Variants in PAICS observed in about 807,000 individuals in gnomAD.
PAICS encodes phosphoribosylaminoimidazole carboxylase and phosphoribosylaminoimidazolesuccinocarboxamide synthase.
In PAICS, 33 loss-of-function variants were observed where a neutral mutation model predicts 53.7. The ratio of observed to expected loss-of-function variants is 0.61; its 90% CI spans 0.47 to 0.82. The LOEUF (loss-of-function observed/expected upper bound fraction) is 0.82. PAICS is among the 40% of genes least tolerant of loss of function. The pLI is 0.00. For synonymous variants in PAICS, 141 were observed against 167.2 expected (o/e 0.84, Z 1.21); for missense variants, 394 against 494.1 (o/e 0.80, Z 1.92).
the PAICS span, chr4:56,410,940 T>G: frequency 1.0e-6 from 1 of 972,722 alleles, no homozygotes; most frequent in Non-Finnish European, 1.2e-6. Context: ...AAAAGTACTC[T>G]TGTTTTTCTT....
At chr4:56,421,712 G>C in the PAICS span, 1 of 152,160 alleles carries the variant, frequency 6.6e-6, no homozygotes, top group South Asian at 2.1e-4. Flanking sequence ...GAAAGAAACT[G>C]GTATGCTAGA....
At chr4:56,436,984 G>A (rs1211290055) in intron 1 of PAICS, among the ~76,000 whole-genome samples, 2 of 152,178 alleles carry the variant, frequency 1.3e-5, no homozygotes, top group African/African-American at 2.4e-5. Context: ...GCGACAAAGC[G>A]AGACTCCGTC....
At chr4:56,436,460 A>T (rs1426461651) in intron 1 of PAICS, 132 bp downstream of exon 1, 1 of 802,418 alleles carries the variant, frequency 1.2e-6, no homozygotes, top group Non-Finnish European at 2.2e-6. Flanking sequence ...GCGGGCGCAC[A>T]CGTGGCCCAG....
At chr4:56,420,639 G>A in the PAICS span, 1 of 152,118 alleles carries the variant, frequency 6.6e-6, no homozygotes, top group South Asian at 2.1e-4. Flanking sequence ...TTTTAATAAA[G>A]CAAATATGCA....
chr4:56,453,504 A>T, intron 7 of PAICS, 99 bp from the exon 8 acceptor site: 2 of 647,296 alleles, frequency 3.1e-6, no homozygotes, highest in Non-Finnish European at 2.5e-6. Context: ...GACCTCAAGT[A>T]ATTAAAACAT....
At chr4:56,447,204 A>G (rs1259124443) in intron 3 of PAICS, among the ~76,000 whole-genome samples, 2 of 151,962 alleles carry the variant, frequency 1.3e-5, no homozygotes, top group African/African-American at 4.8e-5. Flanking sequence ...TATACTAACA[A>G]TGTCTCTTGT....
At chr4:56,455,382 T>G (rs1719143306) in intron 8 of PAICS, among the ~76,000 whole-genome samples, 1 of 152,230 alleles carries the variant, frequency 6.6e-6, no homozygotes, top group Non-Finnish European at 1.5e-5. Context: ...TCAAGTATAT[T>G]AAGTCTTTGA....
At chr4:56,435,090 C>T (rs545488407), upstream of PAICS, among the ~76,000 whole-genome samples, 3 of 152,156 alleles carry the variant, frequency 2.0e-5, no homozygotes, top group Non-Finnish European at 4.4e-5. Context: ...GATGGGTGCA[C>T]ACACCGGGGG....
Position 56,459,648 on chromosome 4 carries a change from A to AAT in PAICS, c.*110_*111insAT, listed in dbSNP as rs1263389546. The AAT allele has an allele frequency of 1.3e-6, 1 of 772,496 alleles. No individual in the cohort carries two copies. Among genetic ancestry groups the AAT allele is most frequent in the Non-Finnish European group, 2.1e-6 (1 of 487,748 alleles). The allele number at this position is 772,496 out of a possible 1,614,324, so 47.9% of individuals were successfully genotyped here. ...TTTTAAATTAGAGAACACAAATAAA[A>AAT]TGTATTAGTGAATAAATGCTTCTCT... On this transcript the variant is annotated 3_prime_UTR_variant, in exon 9 of 9. Coordinates refer to ENST00000512576, the MANE Select transcript of PAICS (RefSeq NM_001079524.2).
At chr4:56,434,843 T>C (rs1456395895), upstream of PAICS, among the ~76,000 whole-genome samples, 1 of 152,244 alleles carries the variant, frequency 6.6e-6, no homozygotes, top group South Asian at 2.1e-4. Flanking sequence ...CGATAACTAC[T>C]TTCAAACCCA....
In PAICS at chr4:56,442,625, C is replaced by T. The variant is rs58578896; in HGVS notation, c.214+765C>T. Among the ~76,000 whole-genome samples the T allele has an allele frequency of 2.3e-3, 351 of 152,304 alleles. 3 individuals are homozygous for T. The highest frequency in any genetic ancestry group is 8.3e-3 in the African/African-American group (343 of 41,562). On this transcript the variant is annotated intron_variant, in intron 2 of 8. Coordinates refer to ENST00000512576, the MANE Select transcript of PAICS (RefSeq NM_001079524.2). ...GCCTCATTGCTTTGGATCATTCAAC[C>T]TACGAAACCTTACCTATGAAATAAA...
intron 2 of PAICS, among the ~76,000 whole-genome samples, chr4:56,445,826 G>C (rs1250561557): frequency 3.3e-5 from 5 of 152,150 alleles, no homozygotes; most frequent in African/African-American, 9.7e-5. Context: ...AACCCATGTA[G>C]GTTTCCAGGA....
rs1578157032 is a variant in PAICS, at chr4:56,451,853, C to A, written c.772-19C>A. The stretch of plus-strand genomic sequence containing the variant: ...TTTTGTTTTTATGTTCTTTTCATAT[C>A]CACGTATTTTTTCTTCAGTTGCTTT... On this transcript the variant is annotated intron_variant, in intron 6 of 8. Coordinates refer to ENST00000512576, the MANE Select transcript of PAICS (RefSeq NM_001079524.2). The A allele has an allele frequency of 2.7e-6, 4 of 1,487,418 alleles. No homozygotes were observed. The highest frequency in any genetic ancestry group is 9.0e-7 in the Non-Finnish European group (1 of 1,109,256). 92.1% of individuals were successfully genotyped at this position (1,487,418 alleles called of 1,614,324 possible).
upstream of PAICS, chr4:56,436,129 C>G (rs1717924866): frequency 6.8e-7 from 1 of 1,476,822 alleles, no homozygotes; most frequent in Middle Eastern, 2.5e-4. Context: ...CGTCCGATAT[C>G]CGCGTTTCAG....
In PAICS at chr4:56,453,925, G is replaced by T. The variant is rs552544804; in HGVS notation, c.1111+164G>T. Among the ~76,000 whole-genome samples, 10 of 152,264 alleles carry T rather than the reference G, an allele frequency of 6.6e-5. No homozygotes were observed. In the South Asian group the frequency reaches 2.1e-3, roughly 32 times the overall value. On this transcript the variant is annotated intron_variant, in intron 8 of 8. Coordinates refer to ENST00000512576, the MANE Select transcript of PAICS (RefSeq NM_001079524.2). ...TCTCCTGCTGGATTATTTTAAAGCA[G>T]ATCTTAGACGTTATAGTAATTTATA...
chr4:56,424,649 G>C, the PAICS span, among the ~76,000 whole-genome samples: 5 of 152,112 alleles, frequency 3.3e-5, no homozygotes, highest in African/African-American at 9.7e-5. Flanking sequence ...TTTCTCCCTG[G>C]TCTGAAGCAT....
At chr4:56,451,456 T>A (rs566023689) in intron 6 of PAICS, among the ~76,000 whole-genome samples, 1 of 152,214 alleles carries the variant, frequency 6.6e-6, no homozygotes, top group Non-Finnish European at 1.5e-5. Flanking sequence ...ATTATTCTTA[T>A]AGGAATATAT....
intron 8 of PAICS, among the ~76,000 whole-genome samples, chr4:56,456,558 A>G (rs138592346): frequency 6.6e-6 from 1 of 152,046 alleles, no homozygotes; most frequent in Non-Finnish European, 1.5e-5. Context: ...ACAGGCCCAC[A>G]CCATCACACC....
At chr4:56,450,779 T>A in intron 6 of PAICS, 77 bp downstream of exon 6, 1 of 752,650 alleles carries the variant, frequency 1.3e-6, no homozygotes, top group East Asian at 2.7e-5. Context: ...GAAAAAAAAA[T>A]GGGAGAGTAT....
Sources: gnomAD v4.1 joint callset for allele counts (sites outside exome capture counted in the v4.1 genomes callset) on GRCh38, gnomAD v4.1.1 for gene constraint, MANE v1.5 for transcripts, NCBI Gene and HGNC (gene_info 2026-07-23, HGNC 2026-07-21) for gene names.